Variants in CAMTA1 observed in about 807,000 individuals in gnomAD.
CAMTA1 encodes the protein calmodulin-binding transcription activator 1.
In CAMTA1, 27 loss-of-function variants were observed where a neutral mutation model predicts 170.9. The observed-to-expected ratio is 0.16, with a 90% CI of 0.12 to 0.22. CAMTA1 has a LOEUF of 0.22. Ranked by LOEUF, CAMTA1 falls within the 10% of genes least tolerant of loss-of-function variation. The probability of loss-of-function intolerance (pLI) is 1.00; values close to 1 mark genes in which losing one functional copy is unlikely to be tolerated. For synonymous variants in CAMTA1, 833 were observed against 891.5 expected, an observed-to-expected ratio of 0.93 and a Z score of 1.17; for missense variants, 1,619 against 2,217.2, an observed-to-expected ratio of 0.73 and a Z score of 5.42.
intron 11 of CAMTA1, among the ~76,000 whole-genome samples, chr1:7,721,928 A>G (rs915994139): frequency 2.0e-5 from 3 of 152,070 alleles, no homozygotes; most frequent in African/African-American, 7.2e-5. Context: ...GAGGGACTTA[A>G]TTTTTTAAAC....
At position 7,091,257 on chromosome 1, in the gene CAMTA1, C is replaced by A. The variant is rs767630728; in HGVS notation, c.235-47C>A. On this transcript the variant is annotated intron_variant, in intron 3 of 22. Transcript: ENST00000303635. ...AAAAACTTTCTTACCTCTCAGGATC[C>A]AATGTGAGCTAATTGTTGTTATTAT... The A allele has an allele frequency of 5.8e-5, 80 of 1,382,112 alleles. 1 individual carries two copies. The East Asian group carries it at 1.8e-3, about 30-fold the overall frequency. The allele number at this position is 1,382,112 out of a possible 1,614,324, so 85.6% of individuals were successfully genotyped here.
In CAMTA1 at chr1:6,971,008, T is replaced by A. The variant is rs1411345589; in HGVS notation, c.235-120296T>A. 6.6e-6 allele frequency among the ~76,000 whole-genome samples: 1 copy of A among 152,212 alleles called. No individual in the cohort carries two copies. ...CCTGGCCTTTGGAGGGAAGACCCTC[T>A]GGTTCGGGCCTTCCTTCCTTCTCAG... On this transcript the variant is annotated intron_variant, in intron 3 of 22. Coordinates refer to ENST00000303635, the MANE Select transcript of CAMTA1 (RefSeq NM_015215.4). This position sits in a 1 kb window ranked among gnomAD's most constrained non-coding sequence, Gnocchi z 4.6.
chr1:7,505,022 G>A (rs957102987), intron 6 of CAMTA1, among the ~76,000 whole-genome samples: 4 of 151,648 alleles, frequency 2.6e-5, no homozygotes, highest in Admixed American at 2.0e-4. Context: ...GGCGGACATG[G>A]CACAAGCACA....
intron 6 of CAMTA1, among the ~76,000 whole-genome samples, chr1:7,623,026 A>G (rs748290461): frequency 6.6e-6 from 1 of 152,158 alleles, no homozygotes; most frequent in Non-Finnish European, 1.5e-5. Flanking sequence ...TTATCATCTC[A>G]GATACAGCTG....
chr1:7,622,698 T>C (rs1489875346), intron 6 of CAMTA1, among the ~76,000 whole-genome samples: 1 of 152,254 alleles, frequency 6.6e-6, no homozygotes, highest in African/African-American at 2.4e-5. Context: ...GAATCTTCTG[T>C]TCCATGTGGA....
chr1:6,948,753 G>T (rs1340476357), intron 3 of CAMTA1, among the ~76,000 whole-genome samples: 1 of 152,148 alleles, frequency 6.6e-6, no homozygotes, highest in Admixed American at 6.5e-5. Flanking sequence ...TAAGTAAAGT[G>T]CTCCATGTAC....
intron 3 of CAMTA1, among the ~76,000 whole-genome samples, chr1:7,028,606 T>C (rs907865233): frequency 6.6e-6 from 1 of 152,212 alleles, no homozygotes; most frequent in African/African-American, 2.4e-5. Context: ...TCATAACTCT[T>C]GGCTGCCATG....
intron 5 of CAMTA1, among the ~76,000 whole-genome samples, chr1:7,391,248 C>T (rs954498236): frequency 2.3e-4 from 35 of 152,088 alleles, no homozygotes; most frequent in African/African-American, 6.8e-4. Context: ...CTGCCCACCT[C>T]GGCCTCCCAA....
chr1:7,112,392 C>T (rs2148390144), intron 4 of CAMTA1, among the ~76,000 whole-genome samples: 1 of 152,250 alleles, frequency 6.6e-6, no homozygotes, highest in African/African-American at 2.4e-5. Flanking sequence ...GCCATTCCAC[C>T]ATGTTTTTCT....
intron 3 of CAMTA1, among the ~76,000 whole-genome samples, chr1:6,977,675 C>T (rs1397634028): frequency 6.6e-6 from 1 of 152,172 alleles, no homozygotes; most frequent in Non-Finnish European, 1.5e-5. Flanking sequence ...ATGTCATTTA[C>T]TCTTCACAGC....
At chr1:6,914,213 T>C (rs990674791) in intron 3 of CAMTA1, among the ~76,000 whole-genome samples, 1 of 151,508 alleles carries the variant, frequency 6.6e-6, no homozygotes, top group African/African-American at 2.4e-5. Context: ...CAAGTGATTC[T>C]CCTGCCTCAG....
intron 3 of CAMTA1, among the ~76,000 whole-genome samples, chr1:6,848,101 C>T (rs1658988014): frequency 6.6e-6 from 1 of 152,078 alleles, no homozygotes; most frequent in African/African-American, 2.4e-5. Context: ...CCCACCTCAC[C>T]AGTGTGCCAG....
chr1:7,378,766 A>C (rs2087040446), intron 5 of CAMTA1, among the ~76,000 whole-genome samples: 1 of 152,184 alleles, frequency 6.6e-6, no homozygotes, highest in Admixed American at 6.5e-5. Context: ...TTTTACTTCA[A>C]TTAAAAAAAA....
intron 4 of CAMTA1, among the ~76,000 whole-genome samples, chr1:7,244,531 C>T (rs1436316209): frequency 2.6e-5 from 4 of 152,160 alleles, no homozygotes; most frequent in Admixed American, 2.6e-4. Flanking sequence ...GAAAATGTGG[C>T]ACATATATAC....
chr1:6,932,144 G>C (rs1454852027), intron 3 of CAMTA1, among the ~76,000 whole-genome samples: 1 of 152,174 alleles, frequency 6.6e-6, no homozygotes, highest in African/African-American at 2.4e-5. Flanking sequence ...CATCACCCCA[G>C]AAGTATCCTT....
intron 4 of CAMTA1, among the ~76,000 whole-genome samples, chr1:7,236,434 C>G (rs988415352): frequency 1.3e-5 from 2 of 152,158 alleles, no homozygotes; most frequent in Non-Finnish European, 2.9e-5. Flanking sequence ...TTCTTGGGCT[C>G]CCCAAAGTAC....
At chr1:7,706,610 ATTAGAT>A (rs1290283537) in intron 11 of CAMTA1, among the ~76,000 whole-genome samples, 2 of 152,224 alleles carry the variant, frequency 1.3e-5, no homozygotes, top group African/African-American at 4.8e-5. Flanking sequence ...TTTTCTTTGT[ATTAGAT>A]TTAGAGAGTA....
rs770012606 is a variant in CAMTA1, at chr1:6,898,467, G to T, written c.234+73257G>T. Among the ~76,000 whole-genome samples, 45 of 152,130 alleles carry T rather than the reference G, an allele frequency of 3.0e-4. 1 individual carries two copies. Among genetic ancestry groups the T allele is most frequent in the Non-Finnish European group, 3.5e-4 (24 of 68,020 alleles). On this transcript the variant is annotated intron_variant, in intron 3 of 22. Transcript: ENST00000303635. Reference sequence around the variant, plus strand: ...ACTCGGGAGGCTGAGGCAGGAGAATGGTGTGAACCCAGGAGGCGGAGCTTG... The same window carrying T: ...ACTCGGGAGGCTGAGGCAGGAGAATTGTGTGAACCCAGGAGGCGGAGCTTG...
intron 3 of CAMTA1, among the ~76,000 whole-genome samples, chr1:6,958,586 G>T (rs1006256391): frequency 2.0e-5 from 3 of 152,178 alleles, no homozygotes; most frequent in African/African-American, 7.2e-5. Flanking sequence ...TGACGGAACC[G>T]TTCTCCCTGA....
Sources: gnomAD v4.1 joint callset for allele counts (sites outside exome capture counted in the v4.1 genomes callset) on GRCh38, gnomAD v4.1.1 for gene constraint, Gnocchi (gnomAD v3.1) non-coding constraint, MANE v1.5 for transcripts, NCBI Gene and HGNC (gene_info 2026-07-23, HGNC 2026-07-21) for gene names.